The following ELAPOR1 variants were observed in gnomAD, a reference collection of about 807,000 sequenced individuals.
The protein encoded by ELAPOR1 is endosome/lysosome-associated apoptosis and autophagy regulator 1.
In ELAPOR1, 77 loss-of-function variants were observed where a neutral mutation model predicts 119.7. The ratio of observed to expected loss-of-function variants is 0.64; its 90% confidence interval spans 0.54 to 0.78. The LOEUF (loss-of-function observed/expected upper bound fraction) is 0.78, where lower values mean the gene tolerates loss of function less well. Among genes scored for constraint, ELAPOR1 ranks in the 30% least tolerant of loss-of-function variants. The probability of loss-of-function intolerance (pLI) is 0.00; values close to 1 mark genes in which losing one functional copy is unlikely to be tolerated. For missense variants in ELAPOR1, 1,115 were observed against 1,270.4 expected, an observed-to-expected ratio of 0.88 and a Z score of 1.86; for synonymous variants, 481 against 487.2, an observed-to-expected ratio of 0.99 and a Z score of 0.17.
chr1:109,123,956 C>T (rs375893705), intron 1 of ELAPOR1, among the ~76,000 whole-genome samples: 42 of 152,268 alleles, frequency 2.8e-4, no homozygotes, highest in African/African-American at 9.9e-4. Context: ...GCGTGGGCCA[C>T]CACGCCCAGC....
chr1:109,153,009 C>G (rs1456268122), intron 1 of ELAPOR1, among the ~76,000 whole-genome samples: 1 of 150,084 alleles, frequency 6.7e-6, no homozygotes, highest in Non-Finnish European at 1.5e-5. Flanking sequence ...AAATGACAGT[C>G]TCATGTGGGG....
At chr1:109,153,526 A>G (rs372115979) in intron 1 of ELAPOR1, among the ~76,000 whole-genome samples, 3 of 152,250 alleles carry the variant, frequency 2.0e-5, no homozygotes, top group African/African-American at 7.2e-5. Context: ...CTTCATTTGC[A>G]TGTGTACATG....
chr1:109,134,121 C>G (rs1023172639), intron 1 of ELAPOR1, among the ~76,000 whole-genome samples: 7 of 152,156 alleles, frequency 4.6e-5, no homozygotes, highest in African/African-American at 1.4e-4. Flanking sequence ...TTCCTTGTAG[C>G]AGAAGCCACC....
chr1:109,198,650 TC>T lies in ELAPOR1; in HGVS notation c.2480del (p.Pro827LeufsTer79). ...IRVRCSPQKT[V>X]PGSLLLPGTC... ...GTCAGGTGCAGTCCACAGAAAACTG[TC>T]CCTGGAAGTTTGCTGCTGCCAGGGT... On this transcript the variant is annotated frameshift_variant, in exon 18 of 22. Coordinates refer to ENST00000369939, the MANE Select transcript of ELAPOR1 (RefSeq NM_020775.5). LOFTEE classifies it high-confidence loss of function. 1 of 1,613,646 alleles carries T rather than the reference TC, an allele frequency of 6.2e-7. No homozygotes were observed. The highest frequency in any genetic ancestry group is 8.5e-7 in the Non-Finnish European group (1 of 1,179,860).
chr1:109,143,344 A>C (rs142041401), intron 1 of ELAPOR1, among the ~76,000 whole-genome samples: 2 of 152,354 alleles, frequency 1.3e-5, no homozygotes, highest in African/African-American at 4.8e-5. Context: ...CAAGTAAAAG[A>C]AGCCAGACAT....
intron 1 of ELAPOR1, among the ~76,000 whole-genome samples, chr1:109,133,305 A>C (rs17038454): frequency 0.25 from 37,438 of 151,850 alleles, 5,566 homozygotes; most frequent in African/African-American, 0.41. Flanking sequence ...CTATATAAGC[A>C]AATGGACTGG....
At chr1:109,166,576 T>C (rs111842130) in intron 3 of ELAPOR1, among the ~76,000 whole-genome samples, 6 of 152,358 alleles carry the variant, frequency 3.9e-5, no homozygotes, top group African/African-American at 1.4e-4. Flanking sequence ...GAAATAGGCA[T>C]TACTATTTCT....
In ELAPOR1 at chr1:109,188,327, C is replaced by T. The variant is rs774247775; in HGVS notation, c.1192C>T (p.Pro398Ser). ...KTNNSTCQPC[P>S]YGSYSNGSDC... ...CAACAACAGCACCTGCCAGCCCTGC[C>T]CATATGGTTCCTACTCCAATGGCTC... The change falls in exon 9 of 22, where the codon CCA (proline) becomes TCA (serine). Residue 398 changes from proline to serine, a missense_variant. Pro to Ser is a moderately conservative substitution (Grantham distance 74). Transcript: ENST00000369939. 3.0e-5 allele frequency: 48 copies of T among 1,613,846 alleles called. No homozygotes were observed. The highest frequency in any genetic ancestry group is 3.9e-5 in the Non-Finnish European group (46 of 1,179,766).
At chr1:109,126,537 C>A (rs566639216) in intron 1 of ELAPOR1, among the ~76,000 whole-genome samples, 4 of 151,998 alleles carry the variant, frequency 2.6e-5, no homozygotes, top group Non-Finnish European at 5.9e-5. Context: ...GTGATGCAAT[C>A]TCAGCTGGCT....
At chr1:109,197,872 A>T in intron 16 of ELAPOR1, 107 bp from the exon 17 acceptor site, 1 of 1,079,206 alleles carries the variant, frequency 9.3e-7, no homozygotes, top group Non-Finnish European at 1.4e-6. Flanking sequence ...CCACTCAGGG[A>T]TGTGATGAGA....
chr1:109,169,682 AG>A (rs1304172860), intron 3 of ELAPOR1, among the ~76,000 whole-genome samples: 1 of 152,258 alleles, frequency 6.6e-6, no homozygotes, highest in East Asian at 1.9e-4. Context: ...TGCCAGGTCC[AG>A]GCTGGTGCTG....
intron 3 of ELAPOR1, among the ~76,000 whole-genome samples, chr1:109,168,640 C>T (rs866504819): frequency 1.3e-5 from 2 of 152,014 alleles, no homozygotes; most frequent in East Asian, 1.9e-4. Flanking sequence ...TGGAAAAGAT[C>T]AAGCAGACGC....
intron 1 of ELAPOR1, among the ~76,000 whole-genome samples, chr1:109,148,825 A>T (rs1650348642): frequency 6.6e-6 from 1 of 152,250 alleles, no homozygotes; most frequent in South Asian, 2.1e-4. Context: ...ACATCTTCAG[A>T]ATATAACTTC....
chr1:109,180,370 A>G (rs552059127), intron 7 of ELAPOR1, among the ~76,000 whole-genome samples: 43 of 152,236 alleles, frequency 2.8e-4, no homozygotes, highest in Non-Finnish European at 5.7e-4. Context: ...AGCTGGGCAC[A>G]GTGGCTATTG....
intron 8 of ELAPOR1, 158 bp from the exon 9 acceptor site, chr1:109,188,019 G>T: frequency 7.1e-7 from 1 of 1,400,820 alleles, no homozygotes; most frequent in Admixed American, 2.9e-5. Context: ...CTAGGTGCTT[G>T]GGATACATCC....
chr1:109,125,269 A>G (rs902527254), intron 1 of ELAPOR1, among the ~76,000 whole-genome samples: 1 of 149,520 alleles, frequency 6.7e-6, no homozygotes, highest in Non-Finnish European at 1.5e-5. Context: ...GAATTTCCCT[A>G]TATGTTGGCC....
intron 1 of ELAPOR1, among the ~76,000 whole-genome samples, chr1:109,150,877 T>C (rs1650492507): frequency 6.6e-6 from 1 of 152,176 alleles, no homozygotes; most frequent in Admixed American, 6.5e-5. Context: ...AATATTAAGC[T>C]ATTTTAAAAT....
intron 1 of ELAPOR1, among the ~76,000 whole-genome samples, chr1:109,154,482 G>A (rs957100086): frequency 1.3e-5 from 2 of 152,168 alleles, no homozygotes; most frequent in African/African-American, 4.8e-5. Flanking sequence ...AAGGTCTTTT[G>A]TTCCTCGTCT....
chr1:109,123,033 A>G (rs1049183384), intron 1 of ELAPOR1, among the ~76,000 whole-genome samples: 3 of 152,254 alleles, frequency 2.0e-5, no homozygotes, highest in South Asian at 4.1e-4. Context: ...TTAGCCCACA[A>G]TCCTGTAGTT....
Sources: allele counts gnomAD v4.1 joint callset (sites outside exome capture counted in the v4.1 genomes callset), GRCh38; gene constraint gnomAD v4.1.1; transcripts MANE v1.5; gene names NCBI Gene and HGNC (gene_info 2026-07-23, HGNC 2026-07-21).